Variants in MDGA1 observed in about 807,000 individuals in gnomAD.
The protein encoded by MDGA1 is MAM domain containing glycosylphosphatidylinositol anchor 1, also known as MAM domain-containing glycosylphosphatidylinositol anchor protein 1.
A neutral mutation model predicts 101.5 loss-of-function variants in MDGA1; 54 were observed. That is an observed-to-expected ratio of 0.53 (90% CI 0.43 to 0.67). The LOEUF (loss-of-function observed/expected upper bound fraction) is 0.67. Ranked by LOEUF, MDGA1 falls within the 30% of genes least tolerant of loss-of-function variation. MDGA1 has a pLI of 0.00. For synonymous variants in MDGA1, 533 were observed against 558.3 expected (o/e 0.95, Z 0.64); for missense variants, 1,083 against 1,323.8 (o/e 0.82, Z 2.82).
intron 10 of MDGA1, 48 bp from the exon 11 acceptor site, chr6:37,646,423 G>T: frequency 7.1e-7 from 1 of 1,408,444 alleles, no homozygotes; most frequent in Non-Finnish European, 9.3e-7. Context: ...CAGGCCCTCA[G>T]TTTCCTCATC....
Position 37,655,796 on chromosome 6 carries a change from G to T in MDGA1, c.483C>A (p.Ser161=), listed in dbSNP as rs368415092. 3.8e-5 allele frequency: 62 copies of T among 1,613,562 alleles called. No individual in the cohort carries two copies. The highest frequency in any genetic ancestry group is 5.1e-5 in the Non-Finnish European group (60 of 1,179,750). Residue 161 remains serine (S), a synonymous_variant, in exon 4 of 17, where the codon TCC becomes TCA. Transcript: ENST00000434837. This position sits in a 1 kb window ranked among gnomAD's most constrained non-coding sequence, Gnocchi z 5.1. The part of the protein sequence containing the change: ...KTVFLRCTVN[S]NPPARFIWKR... ...TCCAGATGAAGCGGGCAGGCGGGTT[G>T]GAGTTGACAGTACAGCGCAGGAACA... is the stretch of plus-strand genomic sequence containing the variant.
In MDGA1 at chr6:37,634,588, G is replaced by A. The variant is rs576764814; in HGVS notation, c.*2780C>T. ...TTTACAGTGCCCACTGGCATACACT[G>A]ACACCCACATCCCCCACCCACCTGC... On this transcript the variant is annotated 3_prime_UTR_variant, in exon 17 of 17. Coordinates refer to ENST00000434837, the MANE Select transcript of MDGA1 (RefSeq NM_153487.4). This position sits in a 1 kb window ranked among gnomAD's most constrained non-coding sequence, Gnocchi z 4.7. The A allele has an allele frequency of 1.6e-4, 24 of 152,800 alleles. No homozygotes were observed. The East Asian group carries it at 2.5e-3, about 16-fold the overall frequency. The allele number at this position is 152,800 out of a possible 1,614,324, so 9.5% of individuals were successfully genotyped here.
At position 37,655,706 on chromosome 6, in the gene MDGA1, G is replaced by A. The variant is rs1488722204; in HGVS notation, c.573C>T (p.Tyr191=). 6 of 1,609,216 alleles carry A rather than the reference G, an allele frequency of 3.7e-6. No homozygotes were observed. The highest frequency in any genetic ancestry group is 5.1e-6 in the Non-Finnish European group (6 of 1,177,492). ...GCCAGCTGCCCATCCTGACCTGAGT[G>A]TAGAGGGGCTCATAGATGTCAACCC... is the stretch of plus-strand genomic sequence containing the variant. ...DNGVDIYEPL[Y]TQGETKVLKL... The change falls in exon 4 of 17, where the codon TAC becomes TAT. Residue 191 remains tyrosine (Y), a synonymous_variant. Coordinates refer to ENST00000434837, the MANE Select transcript of MDGA1 (RefSeq NM_153487.4). This position sits in a 1 kb window ranked among gnomAD's most constrained non-coding sequence, Gnocchi z 5.1.
In MDGA1 at chr6:37,680,678, G is replaced by A. The variant is rs991823669; in HGVS notation, c.67+16067C>T. Among the ~76,000 whole-genome samples, 4 of 152,220 alleles carry A rather than the reference G, an allele frequency of 2.6e-5. No homozygotes were observed. The East Asian group carries it at 5.8e-4, about 22-fold the overall frequency. ...AGCATGAGCACTGGATCGGAAGGCC[G>A]TGCTGGGGCTCTCCACACTGCACCA... On this transcript the variant is annotated intron_variant, in intron 1 of 16. Coordinates refer to ENST00000434837, the MANE Select transcript of MDGA1 (RefSeq NM_153487.4).
In MDGA1 at chr6:37,635,970, C is replaced by G. The variant is rs1561836454; in HGVS notation, c.*1398G>C. Reference sequence around the variant, plus strand: ...AGGCAGATATGTGAGATTGCACACACAGACCTGTGTTTGCACACACTCCTG... The same window carrying G: ...AGGCAGATATGTGAGATTGCACACAGAGACCTGTGTTTGCACACACTCCTG... On this transcript the variant is annotated 3_prime_UTR_variant, in exon 17 of 17. Coordinates refer to ENST00000434837, the MANE Select transcript of MDGA1 (RefSeq NM_153487.4). 1 of 383,372 alleles carries G rather than the reference C, an allele frequency of 2.6e-6. No homozygotes were observed. Among genetic ancestry groups the G allele is most frequent in the Admixed American group, 4.5e-5 (1 of 22,160 alleles). 23.7% of individuals were successfully genotyped at this position (383,372 alleles called of 1,614,324 possible). A position where few individuals can be genotyped will look rare whatever the true frequency, so the allele number is the denominator to read the frequency against.
chr6:37,654,383 G>T lies in MDGA1; in HGVS notation c.873C>A (p.Gly291=), dbSNP rs1188026708. 3.1e-6 allele frequency: 5 copies of T among 1,613,512 alleles called. No homozygotes were observed. In the Admixed American group the frequency reaches 8.3e-5, roughly 27 times the overall value. The change falls in exon 6 of 17, where the codon GGC becomes GGA. Residue 291 remains glycine, a synonymous_variant. Coordinates refer to ENST00000434837, the MANE Select transcript of MDGA1 (RefSeq NM_153487.4). Reference sequence around the variant, plus strand: ...CCTGCACTGAAGGGATGCTGAGGGTGCCACCCTGGGCCAGAGCACCCAGGG... The same window carrying T: ...CCTGCACTGAAGGGATGCTGAGGGTTCCACCCTGGGCCAGAGCACCCAGGG... ...PLPLGALAQG[G]TLSIPSVQAR...
At chr6:37,672,441 A>C (rs1011027163) in intron 1 of MDGA1, among the ~76,000 whole-genome samples, 6 of 152,208 alleles carry the variant, frequency 3.9e-5, no homozygotes, top group Non-Finnish European at 8.8e-5. Flanking sequence ...CCCTATCAAA[A>C]AAACAAAAGC....
chr6:37,647,388 G>A lies in MDGA1; in HGVS notation c.1895-64C>T, dbSNP rs1761232875. On this transcript the variant is annotated intron_variant, in intron 9 of 16. Transcript: ENST00000434837. ...TGCAGGGGAGACACAAAGAGAGGAGGTGTGGGAAAGGGAAACAAGAGGATG... is the reference window on the plus strand; with the variant it reads ...TGCAGGGGAGACACAAAGAGAGGAGATGTGGGAAAGGGAAACAAGAGGATG... The A allele has an allele frequency of 4.9e-6, 5 of 1,030,266 alleles. No homozygotes were observed. In the South Asian group the frequency reaches 5.0e-5, roughly 10 times the overall value. The allele number at this position is 1,030,266 out of a possible 1,614,324, so 63.8% of individuals were successfully genotyped here. A position where few individuals can be genotyped will look rare whatever the true frequency, so the allele number is the denominator to read the frequency against.
At chr6:37,671,783 G>A (rs1421736257) in intron 1 of MDGA1, among the ~76,000 whole-genome samples, 2 of 152,156 alleles carry the variant, frequency 1.3e-5, no homozygotes, top group African/African-American at 4.8e-5. Context: ...CACAGGTAGG[G>A]GTGCTATAAA....
chr6:37,638,646 C>T lies in MDGA1; in HGVS notation c.2558G>A (p.Arg853Gln), dbSNP rs548146442. The change falls in exon 15 of 17, where the codon CGG (arginine) becomes CAG (glutamine). Residue 853 changes from arginine (R) to glutamine (Q), a missense_variant. Coordinates refer to ENST00000434837, the MANE Select transcript of MDGA1 (RefSeq NM_153487.4). The surrounding 1 kb of genome is among the most constrained non-coding windows in gnomAD (Gnocchi z 4.8). ...GTCCAGAGCCCCTTTGTTCCGGGAC[C>T]GCACCAGGAGGTTGAGGGAGCCTGC... ...KHIGSLNLLV[R>Q]SRNKGALDTH... 2.0e-5 allele frequency: 32 copies of T among 1,613,598 alleles called. No individual in the cohort carries two copies. The highest frequency in any genetic ancestry group is 1.2e-4 in the South Asian group (11 of 91,026).
intron 8 of MDGA1, chr6:37,649,867 G>T: frequency 2.9e-6 from 2 of 696,498 alleles, no homozygotes; most frequent in Non-Finnish European, 5.2e-6. Flanking sequence ...GCAAAATCAA[G>T]TAATTTTTTT....
chr6:37,650,478 C>T (rs1043841358), intron 7 of MDGA1, 73 bp from the exon 8 acceptor site: 2 of 1,390,082 alleles, frequency 1.4e-6, no homozygotes, highest in East Asian at 2.6e-5. Context: ...TGCCTTCTGG[C>T]TCCTGCTTAC....
intron 10 of MDGA1, among the ~76,000 whole-genome samples, chr6:37,646,865 AC>A (rs1168058481): frequency 1.3e-5 from 2 of 152,034 alleles, no homozygotes; most frequent in Non-Finnish European, 2.9e-5. Context: ...TAAGCTCTTG[AC>A]CCAAGAGTTG....
At chr6:37,682,258 G>GCAGATCACCTGAGGT (rs1418843698) in intron 1 of MDGA1, among the ~76,000 whole-genome samples, 2 of 152,218 alleles carry the variant, frequency 1.3e-5, no homozygotes, top group East Asian at 3.8e-4. Flanking sequence ...GCCGAGGTGG[G>GCAGATCACCTGAGGT]CAGATCACCT....
At chr6:37,676,366 C>T (rs1761978194) in intron 1 of MDGA1, among the ~76,000 whole-genome samples, 1 of 152,202 alleles carries the variant, frequency 6.6e-6, no homozygotes, top group African/African-American at 2.4e-5. Context: ...ATCAAAAAGC[C>T]CAGTGAGGCA....
rs148710253 is a variant in MDGA1, at chr6:37,668,136, A to G, written c.68-4030T>C. Among the ~76,000 whole-genome samples, 586 of 152,180 alleles carry G rather than the reference A, an allele frequency of 3.9e-3. 3 individuals carry two copies. The highest frequency in any genetic ancestry group is 0.012 in the African/African-American group (505 of 41,522). On this transcript the variant is annotated intron_variant, in intron 1 of 16. Transcript: ENST00000434837. ...CATGGGGGTGTGTGCCTGCAGTCCC[A>G]GCTATTCAGGAGGCTGAGGCAGGAG...
rs564089465 is a variant in MDGA1 at position 37,652,883 on chromosome 6, G to A, written c.983-543C>T. ...GTTCTATCTAGAGAGTGGAACTGAG[G>A]AGAATTGACAATTGAATTCTTACAT... On this transcript the variant is annotated intron_variant, in intron 6 of 16. Transcript: ENST00000434837. This position sits in a 1 kb window ranked among gnomAD's most constrained non-coding sequence, Gnocchi z 4.3. Among the ~76,000 whole-genome samples the A allele has an allele frequency of 1.3e-5, 2 of 152,332 alleles. No homozygotes were observed. The highest frequency in any genetic ancestry group is 3.9e-4 in the East Asian group (2 of 5,192).
In MDGA1 at chr6:37,659,762, G is replaced by A. The variant is rs185965654; in HGVS notation, c.208-1343C>T. Among the ~76,000 whole-genome samples the A allele has an allele frequency of 1.3e-3, 197 of 152,202 alleles. 5 individuals carry two copies. Among genetic ancestry groups the A allele is most frequent in the African/African-American group, 4.0e-3 (166 of 41,524 alleles). On this transcript the variant is annotated intron_variant, in intron 2 of 16. Transcript: ENST00000434837. ...GTGTTGCTGCTCTCATCCCCTGCCC[G>A]CATTTGACTCTACCCTCATGGAGCT...
intron 1 of MDGA1, among the ~76,000 whole-genome samples, chr6:37,679,274 T>C (rs527376210): frequency 2.6e-5 from 4 of 152,230 alleles, no homozygotes; most frequent in Middle Eastern, 3.4e-3. Context: ...GAAGGACAAC[T>C]GGACCAGAGT....
Sources: gnomAD v4.1 joint callset for allele counts (sites outside exome capture counted in the v4.1 genomes callset) on GRCh38, gnomAD v4.1.1 for gene constraint, Gnocchi (gnomAD v3.1) non-coding constraint, MANE v1.5 for transcripts, NCBI Gene and HGNC (gene_info 2026-07-23, HGNC 2026-07-21) for gene names.